Variants in MAP7D2 observed in about 807,000 individuals in gnomAD.
MAP7D2 encodes the protein MAP7 domain-containing protein 2.
In MAP7D2, 33 loss-of-function variants were observed where a neutral mutation model predicts 63.5. The ratio of observed to expected loss-of-function variants is 0.52; its 90% CI spans 0.39 to 0.70. MAP7D2 has a LOEUF of 0.70. MAP7D2 is among the 30% of genes least tolerant of loss of function. MAP7D2 has a pLI of 0.00. For missense variants in MAP7D2, 626 were observed against 604.0 expected, an observed-to-expected ratio of 1.04 and a Z score of -0.38; for synonymous variants, 224 against 223.7, an observed-to-expected ratio of 1.00 and a Z score of -0.01.
chrX:20,094,542 G>GTGTA (rs2066186707), intron 1 of MAP7D2, among the ~76,000 whole-genome samples: 9 of 6,094 alleles, frequency 1.5e-3, no homozygotes, highest in South Asian at 0.016. Context: ...ATATATATAT[G>GTGTA]TATATATATA....
chrX:20,050,743 C>A, intron 6 of MAP7D2, 81 bp downstream of exon 6: 1 of 1,048,335 alleles, frequency 9.5e-7, no homozygotes, highest in East Asian at 3.5e-5. Context: ...AAGCAAAATC[C>A]AAAAATTCAG....
At position 20,066,319 on chromosome X, in the gene MAP7D2, T is replaced by G. The variant is rs146345209; in HGVS notation, c.131-1514A>C. Among the ~76,000 whole-genome samples the G allele has an allele frequency of 3.8e-3, 425 of 111,940 alleles. 2 individuals are homozygous for G. Among genetic ancestry groups the G allele is most frequent in the African/African-American group, 0.013 (410 of 30,790 alleles). ...GCCTTGCTGCCACAGCAACCTGTGC[T>G]TCTTCTAAGGAGGTTCCTGCTGCTG... is the stretch of plus-strand genomic sequence containing the variant. On this transcript the variant is annotated intron_variant, in intron 1 of 16. Coordinates refer to ENST00000379643, the MANE Select transcript of MAP7D2 (RefSeq NM_001168465.2).
chrX:20,115,086 TA>T (rs1447459207), intron 1 of MAP7D2, among the ~76,000 whole-genome samples: 2 of 111,273 alleles, frequency 1.8e-5, no homozygotes, highest in African/African-American at 6.5e-5. Context: ...CATATTTTTC[TA>T]TATTTCCAAT....
chrX:20,041,748 C>T (rs2064660975), intron 8 of MAP7D2, among the ~76,000 whole-genome samples: 1 of 112,285 alleles, frequency 8.9e-6, no homozygotes, highest in South Asian at 3.7e-4. Context: ...GAGTTATTTA[C>T]TGAGTCTTTT....
At chrX:20,049,864 A>G (rs1378175237) in intron 6 of MAP7D2, 3 of 323,889 alleles carry the variant, frequency 9.3e-6, no homozygotes, top group Non-Finnish European at 1.8e-5. Flanking sequence ...CCTTTTAAAA[A>G]AATTCTAGTC....
intron 1 of MAP7D2, among the ~76,000 whole-genome samples, chrX:20,079,013 G>A (rs1343260633): frequency 9.1e-6 from 1 of 110,235 alleles, no homozygotes; most frequent in Non-Finnish European, 1.9e-5. Context: ...GCATTGTAGT[G>A]TATGTAATTT....
intron 6 of MAP7D2, among the ~76,000 whole-genome samples, chrX:20,045,681 T>A (rs779717532): frequency 1.8e-5 from 2 of 110,543 alleles, no homozygotes; most frequent in East Asian, 5.6e-4. Flanking sequence ...GAAATGGGAA[T>A]TGCTGGAATG....
rs375015744 is a variant in MAP7D2, at chrX:20,056,733, T to C, written c.431A>G (p.Lys144Arg). The C allele has an allele frequency of 3.3e-6, 4 of 1,210,185 alleles. No individual in the cohort carries two copies. In the African/African-American group the frequency reaches 7.0e-5, roughly 21 times the overall value. ...SLERTQQLELKKKYSWGAPLA... is the reference protein window; with the variant it reads ...SLERTQQLELRKKYSWGAPLA... ...TGGTGCTCCCCACGAATACTTCTTTTTCAGCTCCAGCTGCTGTGTGCGCTC... is the reference window on the plus strand; with the variant it reads ...TGGTGCTCCCCACGAATACTTCTTTCTCAGCTCCAGCTGCTGTGTGCGCTC... The change falls in exon 4 of 17, where the codon AAA becomes AGA. Residue 144 changes from lysine (K) to arginine (R), a missense_variant. Physicochemically the swap from Lys to Arg is conservative, Grantham distance 26. Coordinates refer to ENST00000379643, the MANE Select transcript of MAP7D2 (RefSeq NM_001168465.2).
At chrX:20,107,051 G>T (rs1438870922) in intron 1 of MAP7D2, among the ~76,000 whole-genome samples, 1 of 111,072 alleles carries the variant, frequency 9.0e-6, no homozygotes, top group Non-Finnish European at 1.9e-5. Flanking sequence ...ATGACGGCAA[G>T]GGCGGTAGGC....
chrX:20,106,815 TA>T (rs1242296396), intron 1 of MAP7D2, among the ~76,000 whole-genome samples: 2 of 108,400 alleles, frequency 1.8e-5, no homozygotes, highest in South Asian at 3.9e-4. Flanking sequence ...TGTCTCTATT[TA>T]AAAAAAAAAT....
chrX:20,107,993 C>T (rs1395583624), intron 1 of MAP7D2, among the ~76,000 whole-genome samples: 1 of 111,199 alleles, frequency 9.0e-6, no homozygotes, highest in Non-Finnish European at 1.9e-5. Context: ...AATCTAAAAC[C>T]CTCTTATGTA....
intron 6 of MAP7D2, among the ~76,000 whole-genome samples, chrX:20,045,627 C>T (rs2064780184): frequency 9.4e-6 from 1 of 106,862 alleles, no homozygotes; most frequent in Admixed American, 1.0e-4. Flanking sequence ...AGCCAATCAT[C>T]AAACCTGGGG....
chrX:20,116,370 A>C (rs1315306866), intron 1 of MAP7D2, among the ~76,000 whole-genome samples: 2 of 112,073 alleles, frequency 1.8e-5, no homozygotes, highest in African/African-American at 3.2e-5. Context: ...GCGCGCGCGG[A>C]GGCCGGGGCA....
intron 1 of MAP7D2, among the ~76,000 whole-genome samples, chrX:20,090,039 C>T (rs1435867452): frequency 8.9e-6 from 1 of 111,834 alleles, no homozygotes; most frequent in Non-Finnish European, 1.9e-5. Context: ...ATGCTATTTA[C>T]AATGCTGGCT....
chrX:20,010,318 T>C (rs1223784627), intron 16 of MAP7D2, among the ~76,000 whole-genome samples: 2 of 112,368 alleles, frequency 1.8e-5, no homozygotes, highest in African/African-American at 6.5e-5. Context: ...CTGTCTGCTT[T>C]GGAAGAATCC....
chrX:20,065,205 A>G (rs1295748380), intron 1 of MAP7D2, among the ~76,000 whole-genome samples: 1 of 111,049 alleles, frequency 9.0e-6, no homozygotes, highest in Non-Finnish European at 1.9e-5. Context: ...GGGAGAGGAG[A>G]AGCACAAAAA....
chrX:20,050,997 CAAAAT>C (rs2064934936), intron 5 of MAP7D2, 51 bp from the exon 6 acceptor site: 1 of 1,024,311 alleles, frequency 9.8e-7, no homozygotes, highest in Non-Finnish European at 1.3e-6. Flanking sequence ...TAAAACAAAA[CAAAAT>C]AAAACATTTA....
chrX:20,025,617 G>A (rs1362370680), intron 9 of MAP7D2, 64 bp downstream of exon 9: 8 of 1,154,352 alleles, frequency 6.9e-6, no homozygotes, highest in Non-Finnish European at 9.3e-6. Flanking sequence ...ATGAGAGAAT[G>A]GCACGTGGAT....
intron 1 of MAP7D2, among the ~76,000 whole-genome samples, chrX:20,107,137 C>G (rs1232141057): frequency 9.0e-6 from 1 of 111,231 alleles, no homozygotes; most frequent in African/African-American, 3.3e-5. Flanking sequence ...TCAGCAGAGA[C>G]AGAAGGAATG....
Sources: allele counts gnomAD v4.1 joint callset (sites outside exome capture counted in the v4.1 genomes callset), GRCh38; gene constraint gnomAD v4.1.1; transcripts MANE v1.5; gene names NCBI Gene and HGNC (gene_info 2026-07-23, HGNC 2026-07-21).